CNGB1: variants seen among roughly 807,000 people sequenced by gnomAD.
CNGB1 encodes the protein cyclic nucleotide-gated channel beta-1.
A neutral mutation model predicts 151.7 loss-of-function variants in CNGB1; 126 were observed. The observed-to-expected ratio is 0.83, with a 90% CI of 0.72 to 0.96. The LOEUF (loss-of-function observed/expected upper bound fraction) is 0.96. Ranked by LOEUF, CNGB1 falls within the 40% of genes least tolerant of loss-of-function variation. The pLI is 0.00. For synonymous variants in CNGB1, 623 were observed against 635.1 expected (o/e 0.98, Z 0.29); for missense variants, 1,698 against 1,627.0 (o/e 1.04, Z -0.75).
chr16:57,910,141 G>A (rs1463844854), intron 25 of CNGB1, among the ~76,000 whole-genome samples: 4 of 152,266 alleles, frequency 2.6e-5, no homozygotes, highest in Non-Finnish European at 5.9e-5. Context: ...CCTAATTCAG[G>A]CCATGAAGGA....
intron 24 of CNGB1, 83 bp from the exon 25 acceptor site, chr16:57,911,958 T>C: frequency 1.9e-6 from 3 of 1,572,188 alleles, no homozygotes; most frequent in Non-Finnish European, 2.6e-6. Context: ...AGCCAACCCA[T>C]GGCTGGGCTG....
chr16:57,886,753 C>G (rs1053364198), intron 32 of CNGB1, among the ~76,000 whole-genome samples: 1 of 152,182 alleles, frequency 6.6e-6, no homozygotes, highest in East Asian at 1.9e-4. Context: ...AATCATTCCA[C>G]TTGGTATTCT....
chr16:57,925,025 T>TG (rs1961146467), intron 17 of CNGB1, among the ~76,000 whole-genome samples: 1 of 152,178 alleles, frequency 6.6e-6, no homozygotes, highest in Non-Finnish European at 1.5e-5. Flanking sequence ...TCATTTGAGA[T>TG]GGAGTCTTGC....
intron 22 of CNGB1, 21 bp from the exon 23 acceptor site, chr16:57,915,356 C>T (rs371335785): frequency 2.5e-6 from 4 of 1,581,090 alleles, no homozygotes; most frequent in South Asian, 1.1e-5. Context: ...AGTGGGACAC[C>T]ATGGGGGTAA....
At position 57,911,973 on chromosome 16, in the gene CNGB1, G is replaced by A. The variant is rs189232287; in HGVS notation, c.2370-98C>T. On this transcript the variant is annotated intron_variant, in intron 24 of 32. Transcript: ENST00000251102. ...AGCCAACCCATGGCTGGGCTGGCCC[G>A]ACTGGATGCTTTGTTGAGATTGCAC... is the stretch of plus-strand genomic sequence containing the variant. 302 of 1,521,196 alleles carry A rather than the reference G, an allele frequency of 2.0e-4. 2 individuals are homozygous for A. The East Asian group carries it at 5.6e-3, about 28-fold the overall frequency. 94.2% of individuals were successfully genotyped at this position (1,521,196 alleles called of 1,614,324 possible).
chr16:57,960,349 G>A lies in CNGB1; in HGVS notation c.583+133C>T, dbSNP rs1962212278. The A allele has an allele frequency of 8.6e-6, 11 of 1,283,502 alleles. No individual in the cohort carries two copies. The South Asian group carries it at 1.3e-4, about 15-fold the overall frequency. The allele number at this position is 1,283,502 out of a possible 1,614,324, so 79.5% of individuals were successfully genotyped here. A position where few individuals can be genotyped will look rare whatever the true frequency, so the allele number is the denominator to read the frequency against. On this transcript the variant is annotated intron_variant, in intron 9 of 32. Transcript: ENST00000251102. ...GTGTCCCCGCCAACAGCCTGCTCCA[G>A]GCAAGCCCTGAACCCCGTCCTAGTC...
At chr16:57,914,227 G>A (rs112779754) in intron 23 of CNGB1, among the ~76,000 whole-genome samples, 37 of 152,264 alleles carry the variant, frequency 2.4e-4, no homozygotes, top group Middle Eastern at 3.4e-3. Flanking sequence ...TCACCTCTGC[G>A]TCTGGGGTGA....
At chr16:57,968,772 A>G (rs1269934743) in intron 1 of CNGB1, among the ~76,000 whole-genome samples, 1 of 151,738 alleles carries the variant, frequency 6.6e-6, no homozygotes, top group East Asian at 1.9e-4. Context: ...CATGCCTGTG[A>G]TCCCAGCACT....
chr16:57,962,669 T>C, intron 6 of CNGB1, 59 bp from the exon 7 acceptor site: 1 of 1,587,052 alleles, frequency 6.3e-7, no homozygotes, highest in South Asian at 1.1e-5. Context: ...CCCAGCCCCC[T>C]GGGCAGCCTG....
chr16:57,964,856 A>G (rs1962350459), intron 2 of CNGB1, among the ~76,000 whole-genome samples: 2 of 152,286 alleles, frequency 1.3e-5, no homozygotes, highest in Admixed American at 1.3e-4. Context: ...AGGAGAAAGG[A>G]CCATTTAGAG....
intron 17 of CNGB1, among the ~76,000 whole-genome samples, chr16:57,928,016 C>A (rs1001107505): frequency 6.6e-6 from 1 of 152,198 alleles, no homozygotes; most frequent in South Asian, 2.1e-4. Context: ...CTCAGCTGAG[C>A]AATTACTCAG....
At chr16:57,891,219 C>A (rs1960081168) in intron 31 of CNGB1, among the ~76,000 whole-genome samples, 1 of 152,218 alleles carries the variant, frequency 6.6e-6, no homozygotes, top group South Asian at 2.1e-4. Context: ...AGTTGAATCT[C>A]ATGATTTGTA....
intron 22 of CNGB1, 132 bp from the exon 23 acceptor site, chr16:57,915,467 G>C: frequency 2.7e-6 from 2 of 747,718 alleles, no homozygotes; most frequent in Non-Finnish European, 2.3e-6. Flanking sequence ...CTTAAAACTA[G>C]AGGGCAGAAG....
rs936365047 is a variant in CNGB1 at position 57,886,721 on chromosome 16, C to T, written c.3462+1134G>A. ...CCCAGCAGACTTCCTAAAGGACAGC[C>T]GTGAACAGACATAATTAATGTAATC... On this transcript the variant is annotated intron_variant, in intron 32 of 32. Transcript: ENST00000251102. Among the ~76,000 whole-genome samples the T allele has an allele frequency of 9.3e-5, 14 of 150,516 alleles. No individual in the cohort carries two copies. The South Asian group carries it at 1.7e-3, about 18-fold the overall frequency.
At chr16:57,954,058 T>A (rs1371910377) in intron 12 of CNGB1, among the ~76,000 whole-genome samples, 2 of 152,166 alleles carry the variant, frequency 1.3e-5, no homozygotes, top group African/African-American at 4.8e-5. Flanking sequence ...CTTTCTGAAG[T>A]CACTCCCCTG....
chr16:57,936,284 G>C (rs575462265), intron 16 of CNGB1, among the ~76,000 whole-genome samples: 20 of 152,240 alleles, frequency 1.3e-4, no homozygotes, highest in African/African-American at 4.8e-4. Context: ...GCAGCAAACT[G>C]TCAAGGTCAG....
At chr16:57,911,915 G>C (rs149722515) in intron 24 of CNGB1, 40 bp from the exon 25 acceptor site, 195 of 1,609,506 alleles carry the variant, frequency 1.2e-4, no homozygotes, top group Admixed American at 5.0e-4. Context: ...GCGGCGGAAG[G>C]GGGAGGTGAG....
rs187967060 is a variant in CNGB1 at position 57,896,593 on chromosome 16, A to G, written c.3242+804T>C. Among the ~76,000 whole-genome samples, 117 of 152,114 alleles carry G rather than the reference A, an allele frequency of 7.7e-4. No individual in the cohort carries two copies. The East Asian group carries it at 0.016, about 21-fold the overall frequency. On this transcript the variant is annotated intron_variant, in intron 31 of 32. Coordinates refer to ENST00000251102, the MANE Select transcript of CNGB1 (RefSeq NM_001297.5). ...CCGGGCGTGGTGGTGTGCACCTGTA[A>G]TCCCAGCTACTCAGGAGGCTGAGGC...
At chr16:57,926,949 T>G (rs1189244915) in intron 17 of CNGB1, among the ~76,000 whole-genome samples, 1 of 151,880 alleles carries the variant, frequency 6.6e-6, no homozygotes, top group Non-Finnish European at 1.5e-5. Flanking sequence ...CATTCCTGCC[T>G]GGGCAACAGG....
Sources: allele counts gnomAD v4.1 joint callset (sites outside exome capture counted in the v4.1 genomes callset), GRCh38; gene constraint gnomAD v4.1.1; transcripts MANE v1.5; gene names NCBI Gene and HGNC (gene_info 2026-07-23, HGNC 2026-07-21).